The following BCAS3 variants were observed in gnomAD, a reference collection of about 807,000 sequenced individuals.
The protein encoded by BCAS3 is BCAS4/BCAS3 fusion.
A neutral mutation model predicts 116.1 loss-of-function variants in BCAS3; 53 were observed. That is an observed-to-expected ratio of 0.46 (90% CI 0.37 to 0.57). BCAS3 has a LOEUF of 0.57. Ranked by LOEUF, BCAS3 falls within the 20% of genes least tolerant of loss-of-function variation. The pLI, the probability that BCAS3 is intolerant of heterozygous loss-of-function variation, is 0.00. For synonymous variants in BCAS3, 391 were observed against 408.2 expected, an observed-to-expected ratio of 0.96 and a Z score of 0.51; for missense variants, 917 against 1,165.4, an observed-to-expected ratio of 0.79 and a Z score of 3.10.
Position 60,905,094 on chromosome 17 carries a change from A to G in BCAS3, c.822+2391A>G, listed in dbSNP as rs562084506. ...AAATCCTAAATAAAATATTTGCAGA[A>G]AAACAGCATTATATAGGATACCATA... On this transcript the variant is annotated intron_variant, in intron 11 of 23. Coordinates refer to ENST00000407086, the MANE Select transcript of BCAS3 (RefSeq NM_017679.5). 4.6e-5 allele frequency among the ~76,000 whole-genome samples: 7 copies of G among 152,302 alleles called. No individual in the cohort carries two copies. The South Asian group carries it at 1.2e-3, about 27-fold the overall frequency.
At chr17:60,979,480 C>T (rs1443386264) in intron 14 of BCAS3, among the ~76,000 whole-genome samples, 2 of 148,624 alleles carry the variant, frequency 1.3e-5, no homozygotes, top group African/African-American at 2.6e-5. Context: ...CTTGAATACA[C>T]CTTTATTTCC....
intron 13 of BCAS3, among the ~76,000 whole-genome samples, chr17:60,935,043 A>C (rs1038888692): frequency 1.3e-5 from 2 of 152,192 alleles, no homozygotes; most frequent in African/African-American, 4.8e-5. Context: ...CCGTAGCTGT[A>C]ATCCCAGCTA....
intron 22 of BCAS3, among the ~76,000 whole-genome samples, chr17:61,223,100 C>T (rs550536753): frequency 3.4e-4 from 51 of 150,668 alleles, no homozygotes; most frequent in Non-Finnish European, 6.6e-4. Context: ...TTGTGGAATG[C>T]ATTTCCTACA....
chr17:60,832,537 A>G (rs906144149), intron 7 of BCAS3, among the ~76,000 whole-genome samples: 2 of 152,228 alleles, frequency 1.3e-5, no homozygotes, highest in African/African-American at 4.8e-5. Flanking sequence ...AATAACTGTT[A>G]TAAATCAATG....
At chr17:61,146,113 G>GT (rs5821302) in intron 22 of BCAS3, among the ~76,000 whole-genome samples, 130,575 of 142,996 alleles carry the variant, frequency 0.91, 60,499 homozygotes, top group East Asian at 0.99. Flanking sequence ...CTGGTTTTTT[G>GT]TTTTTTTTTT....
intron 14 of BCAS3, among the ~76,000 whole-genome samples, chr17:60,970,007 A>T (rs188550271): frequency 7.2e-5 from 11 of 152,350 alleles, no homozygotes; most frequent in Admixed American, 5.9e-4. Context: ...ATGGCACATA[A>T]TACCAGAAGC....
intron 5 of BCAS3, among the ~76,000 whole-genome samples, chr17:60,738,053 G>A (rs774110705): frequency 3.3e-5 from 5 of 152,214 alleles, no homozygotes; most frequent in African/African-American, 7.2e-5. Flanking sequence ...CCAAAGTGCT[G>A]GGATTACAGG....
rs1192816406 is a variant in BCAS3 at position 61,008,762 on chromosome 17, A to G, written c.1487-6989A>G. 6.6e-6 allele frequency among the ~76,000 whole-genome samples: 1 copy of G among 152,062 alleles called. No homozygotes were observed. Among genetic ancestry groups the G allele is most frequent in the Non-Finnish European group, 1.5e-5 (1 of 67,964 alleles). On this transcript the variant is annotated intron_variant, in intron 15 of 23. Transcript: ENST00000407086. The surrounding 1 kb of genome is among the most constrained non-coding windows in gnomAD (Gnocchi z 4.6). Reference sequence around the variant, plus strand: ...CATCTAGTTTTTATTTTTGAAAGATATGATATAGGGAATAGAACATCTACA... The same window carrying G: ...CATCTAGTTTTTATTTTTGAAAGATGTGATATAGGGAATAGAACATCTACA...
chr17:60,798,080 C>G (rs1347445937), intron 6 of BCAS3, among the ~76,000 whole-genome samples: 2 of 152,152 alleles, frequency 1.3e-5, no homozygotes, highest in Non-Finnish European at 2.9e-5. Flanking sequence ...ATACCCCTGA[C>G]CCTGCCCAGG....
chr17:61,077,902 G>C lies in BCAS3; in HGVS notation c.2131-431G>C, dbSNP rs2072177159. 1.3e-5 allele frequency among the ~76,000 whole-genome samples: 2 copies of C among 152,128 alleles called. No homozygotes were observed. The highest frequency in any genetic ancestry group is 4.1e-4 in the South Asian group (2 of 4,824). On this transcript the variant is annotated intron_variant, in intron 20 of 23. Transcript: ENST00000407086. This position sits in a 1 kb window ranked among gnomAD's most constrained non-coding sequence, Gnocchi z 4.3. ...AAGCTTGATCCTCAGTGAAGGAATT[G>C]CTTTTAATCTGTGGATTAATAGGTG...
chr17:61,044,776 CTT>C (rs869234681), intron 19 of BCAS3, among the ~76,000 whole-genome samples: 14 of 141,648 alleles, frequency 9.9e-5, no homozygotes, highest in African/African-American at 7.7e-5. Context: ...TGCTAAAGTC[CTT>C]TTTTTTTTTT....
intron 19 of BCAS3, among the ~76,000 whole-genome samples, chr17:61,067,727 A>G (rs1360582481): frequency 1.1e-5 from 1 of 91,638 alleles, no homozygotes; most frequent in Non-Finnish European, 2.2e-5. Flanking sequence ...ACAAACAAAC[A>G]AAAAAAAAAA....
At position 61,065,247 on chromosome 17, in the gene BCAS3, C is replaced by T. The variant is rs1600901489; in HGVS notation, c.2030-9673C>T. On this transcript the variant is annotated intron_variant, in intron 19 of 23. Transcript: ENST00000407086. The surrounding 1 kb of genome is among the most constrained non-coding windows in gnomAD (Gnocchi z 4.8). ...TTGTTCATTGGGAACTGCCTTTGTT[C>T]ATTTTGCTTTTGGATTATTTGTCTT... 6.6e-6 allele frequency among the ~76,000 whole-genome samples: 1 copy of T among 152,118 alleles called. No homozygotes were observed. Among genetic ancestry groups the T allele is most frequent in the South Asian group, 2.1e-4 (1 of 4,834 alleles).
chr17:61,197,861 A>G (rs2080576985), intron 22 of BCAS3, among the ~76,000 whole-genome samples: 1 of 152,186 alleles, frequency 6.6e-6, no homozygotes, highest in South Asian at 2.1e-4. Context: ...TATCAAAACA[A>G]ATGTTTCTCA....
intron 22 of BCAS3, among the ~76,000 whole-genome samples, chr17:61,163,832 C>T (rs1036734574): frequency 1.3e-5 from 2 of 151,662 alleles, no homozygotes; most frequent in African/African-American, 4.8e-5. Flanking sequence ...ACTAAAAATA[C>T]AAAATTAGCC....
chr17:61,323,702 C>T lies in BCAS3; in HGVS notation c.2426-44625C>T, dbSNP rs2055497535. Among the ~76,000 whole-genome samples the T allele has an allele frequency of 6.6e-6, 1 of 152,198 alleles. No homozygotes were observed. Among genetic ancestry groups the T allele is most frequent in the South Asian group, 2.1e-4 (1 of 4,826 alleles). On this transcript the variant is annotated intron_variant, in intron 22 of 23. Transcript: ENST00000407086. The surrounding 1 kb of genome is among the most constrained non-coding windows in gnomAD (Gnocchi z 4.6). Reference sequence around the variant, plus strand: ...TCTGTCAAAAGTTGAGCCTCTGTTTCCTTAATAGGCCACTTCCCTCCAAGG... The same window carrying T: ...TCTGTCAAAAGTTGAGCCTCTGTTTTCTTAATAGGCCACTTCCCTCCAAGG...
At position 61,045,967 on chromosome 17, in the gene BCAS3, TATATATATATTATATATATA is replaced by T. The variant is rs2068149408; in HGVS notation, c.2029+5076_2029+5095del. ...ATTATATATATAAATATATATATAA[TATATATATATTATATATATA>T]TTTATATATATATAATATATATATT... On this transcript the variant is annotated intron_variant, in intron 19 of 23. Coordinates refer to ENST00000407086, the MANE Select transcript of BCAS3 (RefSeq NM_017679.5). Among the ~76,000 whole-genome samples the T allele has an allele frequency of 2.2e-4, 2 of 9,226 alleles. 1 individual carries two copies. The highest frequency in any genetic ancestry group is 2.8e-4 in the Non-Finnish European group (2 of 7,116). The allele number at this position is 9,226 out of a possible 152,430, so 6.1% of individuals were successfully genotyped here.
chr17:60,713,854 G>A (rs2038224263), intron 5 of BCAS3, among the ~76,000 whole-genome samples: 1 of 152,140 alleles, frequency 6.6e-6, no homozygotes, highest in Admixed American at 6.6e-5. Context: ...TTGTTTTTGA[G>A]ACTGAGTCTC....
intron 7 of BCAS3, among the ~76,000 whole-genome samples, chr17:60,839,894 C>G (rs1011826495): frequency 6.6e-6 from 1 of 152,036 alleles, no homozygotes; most frequent in South Asian, 2.1e-4. Context: ...TACTTTGTTC[C>G]GCTTTTCCTA....
Sources: allele counts gnomAD v4.1 joint callset (sites outside exome capture counted in the v4.1 genomes callset), GRCh38; gene constraint gnomAD v4.1.1; non-coding constraint Gnocchi (gnomAD v3.1); transcripts MANE v1.5; gene names NCBI Gene and HGNC (gene_info 2026-07-23, HGNC 2026-07-21).